Variants in DLG2 observed in about 807,000 individuals in gnomAD.
DLG2 encodes the protein disks large homolog 2.
DLG2 carries 45 observed loss-of-function variants against 132.5 expected under a neutral mutation model. The observed-to-expected ratio is 0.34, with a 90% CI of 0.27 to 0.44. The LOEUF (loss-of-function observed/expected upper bound fraction) is 0.44. DLG2 is among the 20% of genes least tolerant of loss of function. DLG2 has a pLI of 1.00. For synonymous variants in DLG2, 424 were observed against 419.6 expected, an observed-to-expected ratio of 1.01 and a Z score of -0.13; for missense variants, 1,045 against 1,196.9, an observed-to-expected ratio of 0.87 and a Z score of 1.87.
intron 7 of DLG2, among the ~76,000 whole-genome samples, chr11:84,313,442 C>T (rs767259880): frequency 2.0e-5 from 3 of 150,256 alleles, no homozygotes; most frequent in Non-Finnish European, 4.4e-5. Context: ...ACACACAAGG[C>T]CTGACAGAAT....
At chr11:84,718,055 C>A (rs1453459542) in intron 6 of DLG2, among the ~76,000 whole-genome samples, 1 of 151,934 alleles carries the variant, frequency 6.6e-6, no homozygotes, top group African/African-American at 2.4e-5. Flanking sequence ...AGGAGGAAGG[C>A]TACAGTAGAA....
intron 3 of DLG2, among the ~76,000 whole-genome samples, chr11:85,571,786 T>C (rs921656889): frequency 2.0e-5 from 3 of 152,224 alleles, no homozygotes; most frequent in African/African-American, 7.2e-5. Context: ...GCAACTAAAA[T>C]ATTTGCTTAT....
At chr11:83,587,771 T>G (rs1257340760) in intron 19 of DLG2, among the ~76,000 whole-genome samples, 1 of 151,938 alleles carries the variant, frequency 6.6e-6, no homozygotes, top group South Asian at 2.1e-4. Flanking sequence ...TGGGCGCAGG[T>G]CAGTGGGTGC....
At chr11:84,966,478 T>C (rs539885709) in intron 6 of DLG2, among the ~76,000 whole-genome samples, 1 of 152,198 alleles carries the variant, frequency 6.6e-6, no homozygotes, top group South Asian at 2.1e-4. Flanking sequence ...ACTTGAATAG[T>C]CCTATCAAAT....
At chr11:84,719,013 T>C (rs2061513090) in intron 6 of DLG2, among the ~76,000 whole-genome samples, 1 of 152,174 alleles carries the variant, frequency 6.6e-6, no homozygotes. Context: ...ATGAAAGACA[T>C]AACCAGAGAT....
chr11:84,421,920 T>C (rs897802445), intron 7 of DLG2, among the ~76,000 whole-genome samples: 4 of 152,160 alleles, frequency 2.6e-5, no homozygotes, highest in African/African-American at 4.8e-5. Flanking sequence ...CATCATCCCC[T>C]CTCCGAGGCC....
chr11:84,375,501 A>G (rs1456784444), intron 7 of DLG2, among the ~76,000 whole-genome samples: 1 of 152,118 alleles, frequency 6.6e-6, no homozygotes, highest in East Asian at 1.9e-4. Flanking sequence ...TTTATCTTCT[A>G]TAAATGTGCA....
chr11:83,988,977 A>G (rs2093535957), intron 11 of DLG2, among the ~76,000 whole-genome samples: 1 of 151,916 alleles, frequency 6.6e-6, no homozygotes, highest in Non-Finnish European at 1.5e-5. Flanking sequence ...TTTTTGGTCT[A>G]TTTTGTACTA....
intron 15 of DLG2, among the ~76,000 whole-genome samples, chr11:83,884,402 G>T (rs557959072): frequency 1.3e-5 from 2 of 152,290 alleles, no homozygotes; most frequent in Admixed American, 6.5e-5. Flanking sequence ...AGGGGCGCCC[G>T]CCATTGCCCA....
chr11:84,514,488 T>A (rs996477863), intron 7 of DLG2, among the ~76,000 whole-genome samples: 1 of 151,946 alleles, frequency 6.6e-6, no homozygotes, highest in Non-Finnish European at 1.5e-5. Context: ...AGTACTTATA[T>A]ACAATAGAGG....
chr11:84,021,762 CTT>C (rs199809383), intron 11 of DLG2, among the ~76,000 whole-genome samples: 2 of 147,386 alleles, frequency 1.4e-5, no homozygotes, highest in African/African-American at 5.0e-5. Flanking sequence ...ACAACTACTT[CTT>C]TTTTTTTTTT....
intron 6 of DLG2, among the ~76,000 whole-genome samples, chr11:84,974,873 C>G (rs543321185): frequency 1.3e-5 from 2 of 152,268 alleles, no homozygotes; most frequent in East Asian, 1.9e-4. Flanking sequence ...TTAAAATAAA[C>G]AAGGGCAACC....
chr11:84,128,665 C>G (rs2094286588), intron 9 of DLG2, among the ~76,000 whole-genome samples: 1 of 152,034 alleles, frequency 6.6e-6, no homozygotes, highest in African/African-American at 2.4e-5. Context: ...CCCAACCCCC[C>G]TTAGTTACAT....
chr11:84,575,332 C>A (rs902613345), intron 6 of DLG2, among the ~76,000 whole-genome samples: 2 of 152,116 alleles, frequency 1.3e-5, no homozygotes, highest in South Asian at 2.1e-4. Context: ...CTCCCCCACA[C>A]CCCCCATGGA....
At chr11:84,561,899 G>A (rs1161335949) in intron 6 of DLG2, among the ~76,000 whole-genome samples, 1 of 151,954 alleles carries the variant, frequency 6.6e-6, no homozygotes, top group Non-Finnish European at 1.5e-5. Context: ...AAACGAAATT[G>A]CAACTGGGTT....
intron 22 of DLG2, among the ~76,000 whole-genome samples, chr11:83,483,576 A>G (rs910305142): frequency 3.3e-5 from 5 of 152,190 alleles, no homozygotes; most frequent in African/African-American, 1.2e-4. Context: ...ACCATGGTCA[A>G]TCACGTTGCC....
chr11:84,650,871 G>T (rs12288982), intron 6 of DLG2, among the ~76,000 whole-genome samples: 21 of 124,614 alleles, frequency 1.7e-4, no homozygotes, highest in Non-Finnish European at 2.1e-4. Flanking sequence ...GTGTGTGTGT[G>T]TGTATATATA....
intron 18 of DLG2, among the ~76,000 whole-genome samples, chr11:83,699,609 C>G (rs990396038): frequency 6.6e-6 from 1 of 150,454 alleles, no homozygotes; most frequent in Non-Finnish European, 1.5e-5. Flanking sequence ...ACTTGGGAGG[C>G]TGAGGCAGGA....
intron 3 of DLG2, among the ~76,000 whole-genome samples, chr11:85,517,189 C>T (rs544449404): frequency 1.8e-4 from 27 of 151,894 alleles, no homozygotes; most frequent in African/African-American, 5.8e-4. Context: ...ATGATCATCT[C>T]AATAGATGCA....
Sources: gnomAD v4.1 joint callset for allele counts (sites outside exome capture counted in the v4.1 genomes callset) on GRCh38, gnomAD v4.1.1 for gene constraint, MANE v1.5 for transcripts, NCBI Gene and HGNC (gene_info 2026-07-23, HGNC 2026-07-21) for gene names.